OXSM: variants seen among roughly 807,000 people sequenced by gnomAD.
The protein encoded by OXSM is 3-oxoacyl-ACP synthase, mitochondrial, also known as 3-oxoacyl-[acyl-carrier-protein] synthase, mitochondrial.
OXSM carries 19 observed loss-of-function variants against 29.2 expected under a neutral mutation model. The observed-to-expected ratio is 0.65, with a 90% CI of 0.45 to 0.96. The LOEUF is 0.96. OXSM is among the 40% of genes least tolerant of loss of function. The pLI, the probability that OXSM is intolerant of heterozygous loss-of-function variation, is 0.00. For missense variants in OXSM, 554 were observed against 551.3 expected, an observed-to-expected ratio of 1.00 and a Z score of -0.05; for synonymous variants, 178 against 197.1, an observed-to-expected ratio of 0.90 and a Z score of 0.81.
At position 25,791,941 on chromosome 3, in the gene OXSM, C is replaced by G. The variant is rs35215935; in HGVS notation, c.921C>G (p.Leu307=). ...ATGCAGAAGTTTTGGGCTATGGACTCTCAGGTGATGCTGGTCACATAACTG... is the reference window on the plus strand; with the variant it reads ...ATGCAGAAGTTTTGGGCTATGGACTGTCAGGTGATGCTGGTCACATAACTG... The part of the protein sequence containing the change: ...RIYAEVLGYG[L]SGDAGHITAP... The change falls in exon 2 of 3, where the codon CTC becomes CTG. Residue 307 remains leucine, a synonymous_variant. Transcript: ENST00000280701. The G allele has an allele frequency of 3.1e-6, 5 of 1,600,944 alleles. No individual in the cohort carries two copies. The highest frequency in any genetic ancestry group is 4.2e-6 in the Non-Finnish European group (5 of 1,179,836).
chr3:25,794,451 G>C lies in OXSM; in HGVS notation c.1337G>C (p.Gly446Ala). Reference sequence around the variant, plus strand: ...TTTATTGGCCTCACCAATTCCTTTGGTTTTGGTGGTACTAATGCAACACTT... The same window carrying C: ...TTTATTGGCCTCACCAATTCCTTTGCTTTTGGTGGTACTAATGCAACACTT... ...KRFIGLTNSF[G>A]FGGTNATLCI... Residue 446 changes from glycine (G) to alanine (A), a missense_variant, in exon 3 of 3, where the codon GGT (glycine) becomes GCT (alanine). Gly to Ala is a moderately conservative substitution (Grantham distance 60, BLOSUM62 0). Coordinates refer to ENST00000280701, the MANE Select transcript of OXSM (RefSeq NM_017897.3). 1.2e-6 allele frequency: 2 copies of C among 1,613,600 alleles called. No homozygotes were observed. Among genetic ancestry groups the C allele is most frequent in the Admixed American group, 1.7e-5 (1 of 59,996 alleles).
At position 25,794,399 on chromosome 3, in the gene OXSM, G is replaced by T; in HGVS notation, c.1285G>T (p.Ala429Ser). ...EFDLNYVPLKAQEWKTEKRFI... is the reference protein window; with the variant it reads ...EFDLNYVPLKSQEWKTEKRFI... ...TGATCTCAACTATGTTCCACTAAAG[G>T]CACAGGAATGGAAAACTGAGAAAAG... Residue 429 changes from alanine (A) to serine (S), a missense_variant, in exon 3 of 3, where the codon GCA becomes TCA. By Grantham distance (99) the Ala-to-Ser change is moderately conservative. Transcript: ENST00000280701. 6.2e-7 allele frequency: 1 copy of T among 1,614,090 alleles called. No individual in the cohort carries two copies. Among genetic ancestry groups the T allele is most frequent in the Non-Finnish European group, 8.5e-7 (1 of 1,179,942 alleles).
In OXSM at chr3:25,794,138, A is replaced by G. The variant is rs369371481; in HGVS notation, c.1024A>G (p.Ile342Val). 9 of 1,614,008 alleles carry G rather than the reference A, an allele frequency of 5.6e-6. No homozygotes were observed. The highest frequency in any genetic ancestry group is 7.6e-6 in the Non-Finnish European group (9 of 1,179,990). The change falls in exon 3 of 3, where the codon ATA (isoleucine) becomes GTA (valine). Residue 342 changes from isoleucine (I) to valine (V), a missense_variant. By Grantham distance (29) the Ile-to-Val change is conservative. Coordinates refer to ENST00000280701, the MANE Select transcript of OXSM (RefSeq NM_017897.3). Reference protein sequence around the residue: ...LKDAGVQPEEISYINAHATST... With the variant: ...LKDAGVQPEEVSYINAHATST... ...AGATGCAGGTGTGCAGCCTGAGGAG[A>G]TATCCTATATCAATGCACATGCTAC...
chr3:25,794,088 T>G lies in OXSM; in HGVS notation c.978-4T>G. On this transcript the variant is annotated splice_region_variant and splice_polypyrimidine_tract_variant and intron_variant, in intron 2 of 2. Transcript: ENST00000280701. The stretch of plus-strand genomic sequence containing the variant: ...CTGATAAATGTCTTTTCTTGTTTTA[T>G]TAGGTGTATGGCTGCTGCTTTAAAA... The G allele has an allele frequency of 3.1e-6, 5 of 1,594,856 alleles. No individual in the cohort carries two copies. Among genetic ancestry groups the G allele is most frequent in the Non-Finnish European group, 4.3e-6 (5 of 1,172,672 alleles).
In OXSM at chr3:25,794,213, T is replaced by A; in HGVS notation, c.1099T>A (p.Phe367Ile). The A allele has an allele frequency of 6.2e-7, 1 of 1,614,248 alleles. No individual in the cohort carries two copies. The highest frequency in any genetic ancestry group is 2.2e-5 in the East Asian group (1 of 44,882). The change falls in exon 3 of 3, where the codon TTC becomes ATC. Residue 367 changes from phenylalanine to isoleucine, a missense_variant. Transcript: ENST00000280701. Reference sequence around the variant, plus strand: ...TGAAAACAAAGCTATCAAACATCTCTTCAAAGACCATGCATATGCCCTTGC... The same window carrying A: ...TGAAAACAAAGCTATCAAACATCTCATCAAAGACCATGCATATGCCCTTGC... ...AAENKAIKHLFKDHAYALAVS... is the reference protein window; with the variant it reads ...AAENKAIKHLIKDHAYALAVS...
chr3:25,790,233 C>G (rs1422401049), intron 1 of OXSM, 86 bp downstream of exon 1: 8 of 403,186 alleles, frequency 2.0e-5, no homozygotes, highest in Non-Finnish European at 3.6e-5. Context: ...GAGGGGAGTC[C>G]GAGGACCTGG....
chr3:25,793,982 C>T lies in OXSM; in HGVS notation c.978-110C>T, dbSNP rs968513031. ...CGTTACTAGAGCAAGGGATTCTTTT[C>T]ATCCAGTGTACTTGGATACCTACAT... On this transcript the variant is annotated intron_variant, in intron 2 of 2. Transcript: ENST00000280701. The T allele has an allele frequency of 1.0e-5, 9 of 863,448 alleles. No homozygotes were observed. The East Asian group carries it at 1.6e-4, about 15-fold the overall frequency. The allele number at this position is 863,448 out of a possible 1,614,324, so 53.5% of individuals were successfully genotyped here.
intron 1 of OXSM, 65 bp from the exon 2 acceptor site, chr3:25,790,925 G>A: frequency 1.6e-6 from 2 of 1,225,950 alleles, no homozygotes; most frequent in African/African-American, 1.5e-5. Flanking sequence ...CACCTTGGAT[G>A]TTTTTCCTTA....
rs781545754 is a variant in OXSM, at chr3:25,791,123, G to A, written c.103G>A (p.Val35Met). The stretch of plus-strand genomic sequence containing the variant: ...AAGTAAAAGGAAGTTTTTCGGAACT[G>A]TGCCAATATCCAGATTGCATAGGCG... ...LRSKRKFFGT[V>M]PISRLHRRVV... Residue 35 changes from valine (V) to methionine (M), a missense_variant, in exon 2 of 3, where the codon GTG becomes ATG. Val to Met is a conservative substitution (Grantham distance 21). Coordinates refer to ENST00000280701, the MANE Select transcript of OXSM (RefSeq NM_017897.3). The A allele has an allele frequency of 6.2e-7, 1 of 1,614,192 alleles. No individual in the cohort carries two copies. Among genetic ancestry groups the A allele is most frequent in the South Asian group, 1.1e-5 (1 of 91,080 alleles).
rs1190645065 is a variant in OXSM, at chr3:25,791,554, T to G, written c.534T>G (p.Phe178Leu). ...AAGGTTACAATAAAGTTAGCCCATT[T>G]TTTGTCCCTAAGATTCTGGTCAATA... The part of the protein sequence containing the change: ...QTKGYNKVSP[F>L]FVPKILVNMA... Residue 178 changes from phenylalanine (F) to leucine (L), a missense_variant, in exon 2 of 3, where the codon TTT (phenylalanine) becomes TTG (leucine). Phe to Leu is a conservative substitution (Grantham distance 22, BLOSUM62 0). Transcript: ENST00000280701. 6.2e-7 allele frequency: 1 copy of G among 1,614,206 alleles called. No homozygotes were observed. The highest frequency in any genetic ancestry group is 8.5e-7 in the Non-Finnish European group (1 of 1,180,024).
intron 2 of OXSM, among the ~76,000 whole-genome samples, chr3:25,793,855 G>A (rs1708817717): frequency 6.6e-6 from 1 of 152,176 alleles, no homozygotes; most frequent in South Asian, 2.1e-4. Flanking sequence ...ATTGGCTTGT[G>A]TGTTTAACTC....
intron 2 of OXSM, 78 bp from the exon 3 acceptor site, chr3:25,794,014 C>A: frequency 7.8e-7 from 1 of 1,275,326 alleles, no homozygotes; most frequent in Non-Finnish European, 1.1e-6. Flanking sequence ...ACATTTGTTT[C>A]ACATAAGCCA....
chr3:25,792,254 C>A (rs1319229988), intron 2 of OXSM, among the ~76,000 whole-genome samples: 1 of 152,190 alleles, frequency 6.6e-6, no homozygotes, highest in African/African-American at 2.4e-5. Flanking sequence ...TCTTTGCCAA[C>A]TTTTCACGCC....
At position 25,791,756 on chromosome 3, in the gene OXSM, G is replaced by T. The variant is rs765138365; in HGVS notation, c.736G>T (p.Ala246Ser). The T allele has an allele frequency of 6.2e-7, 1 of 1,614,150 alleles. No homozygotes were observed. Among genetic ancestry groups the T allele is most frequent in the Non-Finnish European group, 8.5e-7 (1 of 1,180,018 alleles). ...TTCTTGTATTAGCCCTTTATCTCTT[G>T]CTGGGTTTTCCAGAGCCCGGGCTCT... ...TDSCISPLSLAGFSRARALST... is the reference protein window; with the variant it reads ...TDSCISPLSLSGFSRARALST... The change falls in exon 2 of 3, where the codon GCT becomes TCT. Residue 246 changes from alanine (A) to serine (S), a missense_variant. Ala to Ser is a moderately conservative substitution (Grantham distance 99). Transcript: ENST00000280701.
In OXSM at chr3:25,791,014, C is replaced by A. The variant is rs771941072; in HGVS notation, c.-7C>A. 130 of 1,606,076 alleles carry A rather than the reference C, an allele frequency of 8.1e-5. No individual in the cohort carries two copies. Among genetic ancestry groups the A allele is most frequent in the Non-Finnish European group, 1.0e-4 (123 of 1,174,792 alleles). ...GGAATGTGTTTCTGATCATCTGAATCTTAATCATGTCCAACTGCCTGCAAA... is the reference window on the plus strand; with the variant it reads ...GGAATGTGTTTCTGATCATCTGAATATTAATCATGTCCAACTGCCTGCAAA... On this transcript the variant is annotated 5_prime_UTR_variant, in exon 2 of 3. Transcript: ENST00000280701.
rs751784668 is a variant in OXSM, at chr3:25,791,735, T to C, written c.715T>C (p.Cys239Arg). ...GATGGTGGCTGGAGGTACAGATTCT[T>C]GTATTAGCCCTTTATCTCTTGCTGG... ...DVMVAGGTDSCISPLSLAGFS... is the reference protein window; with the variant it reads ...DVMVAGGTDSRISPLSLAGFS... Residue 239 changes from cysteine to arginine, a missense_variant, in exon 2 of 3, where the codon TGT (cysteine) becomes CGT (arginine). Physicochemically the swap from Cys to Arg is radical, Grantham distance 180. Coordinates refer to ENST00000280701, the MANE Select transcript of OXSM (RefSeq NM_017897.3). The C allele has an allele frequency of 6.2e-7, 1 of 1,614,180 alleles. No individual in the cohort carries two copies. The highest frequency in any genetic ancestry group is 1.6e-4 in the Middle Eastern group (1 of 6,062).
In OXSM at chr3:25,791,390, G is replaced by A. The variant is rs1397277044; in HGVS notation, c.370G>A (p.Gly124Arg). 1 of 1,614,134 alleles carries A rather than the reference G, an allele frequency of 6.2e-7. No homozygotes were observed. Among genetic ancestry groups the A allele is most frequent in the South Asian group, 1.1e-5 (1 of 91,074 alleles). Residue 124 changes from glycine to arginine, a missense_variant, in exon 2 of 3, where the codon GGG (glycine) becomes AGG (arginine). Gly to Arg is a moderately radical substitution (Grantham distance 125). Transcript: ENST00000280701. ...GTCTTCTCCCACCATCATGGCCATTGGGGCTGCAGAATTAGCCATGAAGGA... is the reference window on the plus strand; with the variant it reads ...GTCTTCTCCCACCATCATGGCCATTAGGGCTGCAGAATTAGCCATGAAGGA... ...SMSSPTIMAI[G>R]AAELAMKDSG...
rs752314292 is a variant in OXSM at position 25,794,051 on chromosome 3, T to C, written c.978-41T>C. ...ACAGATAAAGAGACTTTTGTTAAAA[T>C]TAAACTTAGTCCTGATAAATGTCTT... On this transcript the variant is annotated intron_variant, in intron 2 of 2. Transcript: ENST00000280701. The C allele has an allele frequency of 1.9e-6, 3 of 1,542,380 alleles. No homozygotes were observed. In the Admixed American group the frequency reaches 6.1e-5, roughly 31 times the overall value.
intron 1 of OXSM, 93 bp downstream of exon 1, chr3:25,790,240 C>G: frequency 2.6e-6 from 1 of 389,082 alleles, no homozygotes; most frequent in Non-Finnish European, 4.7e-6. Context: ...GTCCGAGGAC[C>G]TGGGGCCTGA....
Sources: allele counts gnomAD v4.1 joint callset (sites outside exome capture counted in the v4.1 genomes callset), GRCh38; gene constraint gnomAD v4.1.1; transcripts MANE v1.5; gene names NCBI Gene and HGNC (gene_info 2026-07-23, HGNC 2026-07-21).